TAOK3: variants seen among roughly 807,000 people sequenced by gnomAD.
TAOK3 encodes the protein TAO kinase 3.
Under a neutral mutation model 120.4 loss-of-function variants are expected in TAOK3, and 40 were observed. The ratio of observed to expected loss-of-function variants is 0.33; its 90% CI spans 0.26 to 0.43. The LOEUF (loss-of-function observed/expected upper bound fraction) is 0.43, where lower values mean the gene tolerates loss of function less well. Ranked by LOEUF, TAOK3 falls within the 20% of genes least tolerant of loss-of-function variation. The pLI is 1.00. For missense variants in TAOK3, 821 were observed against 1,112.1 expected, an observed-to-expected ratio of 0.74 and a Z score of 3.72; for synonymous variants, 355 against 387.5, an observed-to-expected ratio of 0.92 and a Z score of 0.99.
At chr12:118,287,188 C>T (rs892172064) in intron 1 of TAOK3, among the ~76,000 whole-genome samples, 2 of 152,160 alleles carry the variant, frequency 1.3e-5, no homozygotes, top group African/African-American at 4.8e-5. Context: ...TGTCACCAAA[C>T]ACCACCTGTT....
intron 11 of TAOK3, among the ~76,000 whole-genome samples, chr12:118,207,045 G>A (rs957385917): frequency 1.3e-5 from 2 of 151,944 alleles, no homozygotes; most frequent in Non-Finnish European, 2.9e-5. Context: ...AAAGAAAATC[G>A]GCCAGGCACG....
rs377072006 is a variant in TAOK3 at position 118,244,527 on chromosome 12, C to CTTTTTTTTTTTTTTTTTTTTTTT, written c.192+366_192+367insAAAAAAAAAAAAAAAAAAAAAAA. Among the ~76,000 whole-genome samples the CTTTTTTTTTTTTTTTTTTTTTTT allele has an allele frequency of 3.9e-5, 5 of 129,558 alleles. 2 individuals carry two copies. The highest frequency in any genetic ancestry group is 8.1e-5 in the Non-Finnish European group (5 of 61,974). The allele number at this position is 129,558 out of a possible 152,430, so 85.0% of individuals were successfully genotyped here. A position where few individuals can be genotyped will look rare whatever the true frequency, so the allele number is the denominator to read the frequency against. ...AAAGAATTTTGTTAATTTCTTTTTT[C>CTTTTTTTTTTTTTTTTTTTTTTT]TTTTTCTTTTTTTTTTTTTGAGACA... On this transcript the variant is annotated intron_variant, in intron 4 of 20. Transcript: ENST00000392533.
chr12:118,186,573 AC>A (rs1188957683), intron 14 of TAOK3, among the ~76,000 whole-genome samples: 1 of 152,184 alleles, frequency 6.6e-6, no homozygotes, highest in East Asian at 1.9e-4. Context: ...ATTCTGCAGA[AC>A]TATATAAACA....
intron 1 of TAOK3, among the ~76,000 whole-genome samples, chr12:118,315,777 T>A (rs1233655651): frequency 6.6e-6 from 1 of 151,990 alleles, no homozygotes; most frequent in Admixed American, 6.6e-5. Flanking sequence ...ATTATGACAG[T>A]GTTGGGAAAG....
chr12:118,177,341 A>G lies in TAOK3; in HGVS notation c.1567-12T>C, dbSNP rs975530216. The G allele has an allele frequency of 1.9e-6, 3 of 1,612,636 alleles. No homozygotes were observed. On this transcript the variant is annotated splice_polypyrimidine_tract_variant and intron_variant, in intron 15 of 20. Coordinates refer to ENST00000392533, the MANE Select transcript of TAOK3 (RefSeq NM_016281.4). ...GCAGCTACCTTTGCCTGATAAAATA[A>G]CAAATACAATGTAGGATGAATCTAT...
At chr12:118,290,748 T>G (rs2140519564) in intron 1 of TAOK3, among the ~76,000 whole-genome samples, 1 of 152,254 alleles carries the variant, frequency 6.6e-6, no homozygotes, top group African/African-American at 2.4e-5. Context: ...GTATTTTTAG[T>G]AGAGATGGGT....
chr12:118,318,389 C>G (rs956557304), intron 1 of TAOK3, among the ~76,000 whole-genome samples: 1 of 152,024 alleles, frequency 6.6e-6, no homozygotes, highest in African/African-American at 2.4e-5. Context: ...ATTTCTAGAC[C>G]TCGTGATCTG....
intron 8 of TAOK3, among the ~76,000 whole-genome samples, chr12:118,234,996 G>A (rs142208923): frequency 8.0e-4 from 122 of 152,196 alleles, no homozygotes; most frequent in African/African-American, 2.8e-3. Context: ...TTTTTTAGTA[G>A]ACAAGTAATT....
intron 11 of TAOK3, among the ~76,000 whole-genome samples, chr12:118,211,232 C>A (rs1182860367): frequency 1.3e-5 from 2 of 152,150 alleles, no homozygotes; most frequent in African/African-American, 4.8e-5. Flanking sequence ...AAAGGAAGAT[C>A]CAAACATTTC....
chr12:118,288,932 A>AAG (rs1566068322), intron 1 of TAOK3, among the ~76,000 whole-genome samples: 2 of 149,746 alleles, frequency 1.3e-5, no homozygotes, highest in Non-Finnish European at 3.0e-5. Context: ...AAAAAAAAAA[A>AAG]AAAGAAAGAA....
chr12:118,214,154 C>A, intron 9 of TAOK3, 44 bp from the exon 10 acceptor site: 1 of 1,469,756 alleles, frequency 6.8e-7, no homozygotes, highest in Non-Finnish European at 9.3e-7. Context: ...TTGAAGGAAA[C>A]CAGGCAGACA....
Position 118,150,956 on chromosome 12 carries a change from C to CTTTTT in TAOK3, c.*36_*40dup, listed in dbSNP as rs201481032. 261 of 1,255,602 alleles carry CTTTTT rather than the reference C, an allele frequency of 2.1e-4. No homozygotes were observed. Among genetic ancestry groups the CTTTTT allele is most frequent in the South Asian group, 2.3e-4 (14 of 62,012 alleles). The allele number at this position is 1,255,602 out of a possible 1,614,324, so 77.8% of individuals were successfully genotyped here. On this transcript the variant is annotated 3_prime_UTR_variant, in exon 21 of 21. Transcript: ENST00000392533. ...CAGGGTCTGAATTTTTTTCTGTTTT[C>CTTTTT]TTTTTTTTTTTTTTTTTTGTAAATG...
In TAOK3 at chr12:118,316,285, A is replaced by C. The variant is rs528500787; in HGVS notation, c.-193-49526T>G. ...TTTAACTGCAGCATACCTGCTACTC[A>C]TAAGAGTCTGGTTAAATATACTAGC... On this transcript the variant is annotated intron_variant, in intron 1 of 20. Transcript: ENST00000392533. 3.2e-4 allele frequency among the ~76,000 whole-genome samples: 48 copies of C among 152,358 alleles called. 1 individual carries two copies. In the South Asian group the frequency reaches 9.7e-3, roughly 31 times the overall value.
intron 1 of TAOK3, among the ~76,000 whole-genome samples, chr12:118,308,436 A>G (rs2043133526): frequency 2.0e-5 from 3 of 152,214 alleles, no homozygotes; most frequent in African/African-American, 7.2e-5. Context: ...TTACATTTGT[A>G]TAAAGTACTT....
intron 1 of TAOK3, among the ~76,000 whole-genome samples, chr12:118,270,986 T>C (rs1330633443): frequency 6.6e-6 from 1 of 152,068 alleles, no homozygotes; most frequent in Non-Finnish European, 1.5e-5. Flanking sequence ...TAAATGTCAC[T>C]TCTATAAAAC....
At chr12:118,156,689 C>CT (rs2034850058) in intron 19 of TAOK3, among the ~76,000 whole-genome samples, 1 of 152,042 alleles carries the variant, frequency 6.6e-6, no homozygotes, top group Non-Finnish European at 1.5e-5. Context: ...GTTCCACTTC[C>CT]TTTTTTACCA....
chr12:118,272,585 C>T (rs1021913934), intron 1 of TAOK3, among the ~76,000 whole-genome samples: 7 of 152,070 alleles, frequency 4.6e-5, no homozygotes, highest in Admixed American at 1.3e-4. Context: ...AAAGATACAC[C>T]ATTTCAACTC....
chr12:118,341,408 A>AC (rs1566145203), intron 1 of TAOK3, among the ~76,000 whole-genome samples: 1 of 151,686 alleles, frequency 6.6e-6, no homozygotes, highest in East Asian at 1.9e-4. Context: ...CTTTTATTCC[A>AC]TTTTTTTCTA....
intron 11 of TAOK3, among the ~76,000 whole-genome samples, chr12:118,204,695 A>C (rs2038203764): frequency 6.6e-6 from 1 of 152,242 alleles, no homozygotes; most frequent in Non-Finnish European, 1.5e-5. Flanking sequence ...GCTATGACTT[A>C]ACATCATAGA....
Sources: allele counts gnomAD v4.1 joint callset (sites outside exome capture counted in the v4.1 genomes callset), GRCh38; gene constraint gnomAD v4.1.1; transcripts MANE v1.5; gene names NCBI Gene and HGNC (gene_info 2026-07-23, HGNC 2026-07-21).